The following STK32B variants were observed in gnomAD, a reference collection of about 807,000 sequenced individuals.
STK32B encodes serine/threonine kinase 32B.
STK32B carries 43 observed loss-of-function variants against 52.6 expected under a neutral mutation model. The observed-to-expected ratio is 0.82, with a 90% CI of 0.64 to 1.05. The LOEUF is 1.05. Ranked by LOEUF, STK32B falls within the 50% of genes least tolerant of loss-of-function variation. The pLI is 0.00. For synonymous variants in STK32B, 238 were observed against 204.3 expected (o/e 1.17, Z -1.41); for missense variants, 621 against 534.6 (o/e 1.16, Z -1.59).
At chr4:5,219,749 C>G (rs566397025) in intron 3 of STK32B, among the ~76,000 whole-genome samples, 113 of 152,350 alleles carry the variant, frequency 7.4e-4, no homozygotes, top group African/African-American at 2.4e-3. Context: ...AACCCCAGCT[C>G]ACTACTCCAC....
intron 2 of STK32B, among the ~76,000 whole-genome samples, chr4:5,143,091 C>A (rs199842450): frequency 2.7e-5 from 4 of 147,910 alleles, no homozygotes; most frequent in African/African-American, 1.0e-4. Flanking sequence ...AAATCTGTTT[C>A]TGTCTCTGTC....
At chr4:5,095,369 C>T (rs971867977) in intron 1 of STK32B, among the ~76,000 whole-genome samples, 1 of 152,194 alleles carries the variant, frequency 6.6e-6, no homozygotes, top group Admixed American at 6.5e-5. Flanking sequence ...AATCCCACCA[C>T]TTTGGAAGGT....
At chr4:5,382,386 A>T (rs1181632561) in intron 4 of STK32B, among the ~76,000 whole-genome samples, 1 of 152,156 alleles carries the variant, frequency 6.6e-6, no homozygotes, top group African/African-American at 2.4e-5. Flanking sequence ...GAAATAATAC[A>T]TGTAAAGTGC....
At chr4:5,424,993 A>G (rs1218460398) in intron 6 of STK32B, among the ~76,000 whole-genome samples, 2 of 152,218 alleles carry the variant, frequency 1.3e-5, no homozygotes, top group African/African-American at 2.4e-5. Context: ...CACTTGCGGT[A>G]TGCCTGGTCC....
intron 11 of STK32B, among the ~76,000 whole-genome samples, chr4:5,474,964 G>A (rs1467128268): frequency 1.3e-5 from 2 of 152,154 alleles, no homozygotes; most frequent in Non-Finnish European, 2.9e-5. Context: ...ATACAGCAGA[G>A]CAAATGCCTT....
intron 1 of STK32B, among the ~76,000 whole-genome samples, chr4:5,132,838 G>A (rs113100764): frequency 1.6e-4 from 25 of 151,520 alleles, no homozygotes; most frequent in African/African-American, 5.8e-4. Flanking sequence ...CTGTTACCCA[G>A]GCTGGAGTGG....
chr4:5,048,475 T>C (rs1741658958), upstream of STK32B, among the ~76,000 whole-genome samples: 4 of 152,120 alleles, frequency 2.6e-5, no homozygotes, highest in Admixed American at 1.3e-4. Context: ...ATTTGTATTT[T>C]TAGTAGAGAT....
At chr4:5,220,321 T>G (rs1723445345) in intron 3 of STK32B, among the ~76,000 whole-genome samples, 1 of 152,164 alleles carries the variant, frequency 6.6e-6, no homozygotes, top group Admixed American at 6.5e-5. Context: ...GGGTCCCAGC[T>G]CTCAATGAGA....
At chr4:5,418,255 C>A (rs974627494) in intron 6 of STK32B, among the ~76,000 whole-genome samples, 1 of 151,788 alleles carries the variant, frequency 6.6e-6, no homozygotes, top group African/African-American at 2.4e-5. Context: ...TTATTCTGCT[C>A]TTCATTCTCC....
intron 1 of STK32B, among the ~76,000 whole-genome samples, chr4:5,125,831 C>T (rs2108815705): frequency 6.6e-6 from 1 of 152,312 alleles, no homozygotes; most frequent in East Asian, 1.9e-4. Context: ...GTAACTCTGC[C>T]TCCTGTGGAC....
At chr4:5,041,620 T>A in the STK32B span, among the ~76,000 whole-genome samples, 1 of 151,944 alleles carries the variant, frequency 6.6e-6, no homozygotes, top group South Asian at 2.1e-4. Flanking sequence ...GGACCCCTAT[T>A]TTGAGTGAGC....
rs1577427650 is a variant in STK32B at position 5,386,065 on chromosome 4, A to C, written c.435-12142A>C. On this transcript the variant is annotated intron_variant, in intron 4 of 11. Coordinates refer to ENST00000282908, the MANE Select transcript of STK32B (RefSeq NM_018401.3). The surrounding 1 kb of genome is among the most constrained non-coding windows in gnomAD (Gnocchi z 4.5). ...CCCACCCACACCCACAGCCCCACCC[A>C]TAGCCCCTACCCAGATTTCCCATGC... Among the ~76,000 whole-genome samples the C allele has an allele frequency of 6.0e-5, 2 of 33,104 alleles. No homozygotes were observed. Among genetic ancestry groups the C allele is most frequent in the South Asian group, 1.1e-3 (1 of 922 alleles). The allele number at this position is 33,104 out of a possible 152,430, so 21.7% of individuals were successfully genotyped here.
intron 2 of STK32B, among the ~76,000 whole-genome samples, chr4:5,162,447 A>G (rs1053562705): frequency 2.0e-5 from 3 of 152,198 alleles, no homozygotes; most frequent in Non-Finnish European, 4.4e-5. Context: ...GGTGTGTTGC[A>G]GGTTCTCAGT....
intron 4 of STK32B, among the ~76,000 whole-genome samples, chr4:5,339,008 A>G (rs554011532): frequency 1.3e-5 from 2 of 152,278 alleles, no homozygotes; most frequent in African/African-American, 4.8e-5. Flanking sequence ...GGCATCAACG[A>G]TTCCTCTGAG....
At chr4:5,150,211 T>G (rs1299605746) in intron 2 of STK32B, among the ~76,000 whole-genome samples, 3 of 152,062 alleles carry the variant, frequency 2.0e-5, no homozygotes, top group African/African-American at 7.2e-5. Context: ...ACTCTTGACT[T>G]AAAAAAATAG....
chr4:5,316,271 A>T lies in STK32B; in HGVS notation c.261-14949A>T, dbSNP rs540592969. Among the ~76,000 whole-genome samples the T allele has an allele frequency of 9.9e-4, 75 of 75,398 alleles. 18 individuals carry two copies. The highest frequency in any genetic ancestry group is 5.0e-3 in the African/African-American group (71 of 14,124). 49.5% of individuals were successfully genotyped at this position (75,398 alleles called of 152,430 possible). On this transcript the variant is annotated intron_variant, in intron 3 of 11. Transcript: ENST00000282908. The stretch of plus-strand genomic sequence containing the variant: ...GTATATATAATATATTATATAGTAT[A>T]TATAATATATTATATACAATATTAT...
At chr4:5,359,496 T>G (rs1304502499) in intron 4 of STK32B, among the ~76,000 whole-genome samples, 1 of 152,004 alleles carries the variant, frequency 6.6e-6, no homozygotes, top group Admixed American at 6.6e-5. Flanking sequence ...ATGATCAAGT[T>G]TCTGCCATCT....
intron 4 of STK32B, among the ~76,000 whole-genome samples, chr4:5,377,514 C>T (rs1371026104): frequency 6.6e-6 from 1 of 152,202 alleles, no homozygotes; most frequent in Non-Finnish European, 1.5e-5. Context: ...TCAGTATCCT[C>T]AGTGGCAAAC....
At chr4:5,109,548 T>G (rs1356436318) in intron 1 of STK32B, among the ~76,000 whole-genome samples, 1 of 152,008 alleles carries the variant, frequency 6.6e-6, no homozygotes, top group Non-Finnish European at 1.5e-5. Flanking sequence ...AAAAGCAGAT[T>G]GATAAAAAGC....
Sources: gnomAD v4.1 joint callset for allele counts (sites outside exome capture counted in the v4.1 genomes callset) on GRCh38, gnomAD v4.1.1 for gene constraint, Gnocchi (gnomAD v3.1) non-coding constraint, MANE v1.5 for transcripts, NCBI Gene and HGNC (gene_info 2026-07-23, HGNC 2026-07-21) for gene names.